The following PPP1R9A variants were observed in gnomAD, a reference collection of about 807,000 sequenced individuals.
PPP1R9A encodes protein phosphatase 1 regulatory subunit 9A.
A neutral mutation model predicts 141.9 loss-of-function variants in PPP1R9A; 59 were observed. That is an observed-to-expected ratio of 0.42 (90% CI 0.34 to 0.52). The LOEUF is 0.52. Ranked by LOEUF, PPP1R9A falls within the 20% of genes least tolerant of loss-of-function variation. The pLI is 0.10. For synonymous variants in PPP1R9A, 500 were observed against 569.7 expected (o/e 0.88, Z 1.74); for missense variants, 1,444 against 1,611.9 (o/e 0.90, Z 1.78).
intron 2 of PPP1R9A, among the ~76,000 whole-genome samples, chr7:94,937,141 G>C (rs1411553457): frequency 6.6e-6 from 1 of 152,040 alleles, no homozygotes; most frequent in East Asian, 1.9e-4. Context: ...TATGAATAAT[G>C]CTGCATCTTG....
intron 2 of PPP1R9A, among the ~76,000 whole-genome samples, chr7:95,055,482 G>A (rs372553564): frequency 1.3e-5 from 2 of 152,190 alleles, no homozygotes; most frequent in African/African-American, 4.8e-5. Flanking sequence ...CACCCCTAGT[G>A]TCATCACTTT....
intron 2 of PPP1R9A, among the ~76,000 whole-genome samples, chr7:95,029,626 G>T (rs1807376079): frequency 6.6e-6 from 1 of 152,118 alleles, no homozygotes; most frequent in Non-Finnish European, 1.5e-5. Flanking sequence ...AATAACTTTG[G>T]TAAAGAACTA....
At chr7:95,281,955 AATTAT>A (rs1804310019) in intron 16 of PPP1R9A, among the ~76,000 whole-genome samples, 2 of 152,174 alleles carry the variant, frequency 1.3e-5, no homozygotes, top group African/African-American at 4.8e-5. Context: ...AGAGATACCC[AATTAT>A]AAGAGTATGG....
intron 2 of PPP1R9A, among the ~76,000 whole-genome samples, chr7:95,110,492 T>A (rs906201463): frequency 6.6e-6 from 1 of 152,202 alleles, no homozygotes; most frequent in African/African-American, 2.4e-5. Context: ...TTCTTTCATA[T>A]ATTTTTTCCT....
chr7:95,237,856 A>C (rs935584495), intron 8 of PPP1R9A, among the ~76,000 whole-genome samples: 5 of 151,910 alleles, frequency 3.3e-5, no homozygotes, highest in Non-Finnish European at 7.4e-5. Context: ...CATCTTATGT[A>C]TGTATTTTTT....
intron 2 of PPP1R9A, among the ~76,000 whole-genome samples, chr7:95,071,117 GTCA>G (rs1813758627): frequency 6.6e-6 from 1 of 151,922 alleles, no homozygotes; most frequent in Admixed American, 6.6e-5. Context: ...ATAAAACTAA[GTCA>G]TCATACTTAG....
At chr7:95,173,871 A>G (rs993273812) in intron 5 of PPP1R9A, among the ~76,000 whole-genome samples, 5 of 152,186 alleles carry the variant, frequency 3.3e-5, no homozygotes, top group East Asian at 1.9e-4. Context: ...TGATACCACT[A>G]TGCATTGATA....
intron 5 of PPP1R9A, among the ~76,000 whole-genome samples, chr7:95,172,463 A>C (rs1832265397): frequency 1.3e-5 from 2 of 151,938 alleles, no homozygotes; most frequent in South Asian, 4.1e-4. Flanking sequence ...GATGAAGTTG[A>C]TGTGCAGAAA....
intron 5 of PPP1R9A, among the ~76,000 whole-genome samples, chr7:95,180,427 A>C (rs554930030): frequency 6.6e-6 from 1 of 152,304 alleles, no homozygotes; most frequent in South Asian, 2.1e-4. Context: ...ATTCTAGAAA[A>C]TAACATTGGA....
At chr7:95,012,808 T>C (rs1804610510) in intron 2 of PPP1R9A, among the ~76,000 whole-genome samples, 1 of 152,180 alleles carries the variant, frequency 6.6e-6, no homozygotes, top group Non-Finnish European at 1.5e-5. Flanking sequence ...ATTACATTAA[T>C]ATGTAATGAT....
intron 4 of PPP1R9A, among the ~76,000 whole-genome samples, chr7:95,133,412 C>T (rs1584871336): frequency 6.6e-6 from 1 of 151,066 alleles, no homozygotes; most frequent in East Asian, 1.9e-4. Context: ...GCCTGTATAC[C>T]TAGGATATCT....
intron 5 of PPP1R9A, among the ~76,000 whole-genome samples, chr7:95,166,148 CAAA>C (rs201112181): frequency 8.6e-5 from 9 of 104,414 alleles, no homozygotes; most frequent in Admixed American, 9.9e-5. Flanking sequence ...AACTCCATTT[CAAA>C]AAAAAAAAAA....
At chr7:95,289,930 G>A (rs1288044068) in intron 19 of PPP1R9A, among the ~76,000 whole-genome samples, 161 bp from the exon 20 acceptor site, 1 of 152,190 alleles carries the variant, frequency 6.6e-6, no homozygotes, top group African/African-American at 2.4e-5. Flanking sequence ...ATAAAGGGTA[G>A]CCCCCAGTGT....
chr7:94,939,916 C>G (rs1470099712), intron 2 of PPP1R9A, among the ~76,000 whole-genome samples: 4 of 151,698 alleles, frequency 2.6e-5, no homozygotes, highest in African/African-American at 9.7e-5. Context: ...TCTCTTCATT[C>G]CTTACCTTGA....
intron 2 of PPP1R9A, among the ~76,000 whole-genome samples, chr7:95,059,932 G>A (rs571464475): frequency 6.6e-6 from 1 of 152,242 alleles, no homozygotes; most frequent in South Asian, 2.1e-4. Context: ...AAAATGTGTG[G>A]TTGAGGTGTT....
At chr7:95,256,875 T>G (rs1799662728) in intron 12 of PPP1R9A, among the ~76,000 whole-genome samples, 1 of 152,112 alleles carries the variant, frequency 6.6e-6, no homozygotes, top group Non-Finnish European at 1.5e-5. Context: ...TATAAGGTAG[T>G]CAGTGATGAA....
intron 2 of PPP1R9A, among the ~76,000 whole-genome samples, chr7:95,045,734 G>A (rs1346726552): frequency 6.6e-6 from 1 of 152,012 alleles, no homozygotes; most frequent in African/African-American, 2.4e-5. Context: ...TTTCTAGTGG[G>A]CGAGGGGAGC....
At chr7:95,263,598 A>G (rs1234719808) in intron 12 of PPP1R9A, among the ~76,000 whole-genome samples, 1 of 151,942 alleles carries the variant, frequency 6.6e-6, no homozygotes, top group Non-Finnish European at 1.5e-5. Flanking sequence ...TAATTTTTGT[A>G]TTTTTAGTAG....
intron 2 of PPP1R9A, among the ~76,000 whole-genome samples, chr7:95,110,281 T>G (rs1487336107): frequency 6.6e-6 from 1 of 152,198 alleles, no homozygotes; most frequent in East Asian, 1.9e-4. Flanking sequence ...ATTTCTTTAG[T>G]CTTTGGCCTT....
Sources: allele counts gnomAD v4.1 joint callset (sites outside exome capture counted in the v4.1 genomes callset), GRCh38; gene constraint gnomAD v4.1.1; transcripts MANE v1.5; gene names NCBI Gene and HGNC (gene_info 2026-07-23, HGNC 2026-07-21).